The following RALGPS2 variants were observed in gnomAD, a reference collection of about 807,000 sequenced individuals.
RALGPS2 encodes Ral GEF with PH domain and SH3 binding motif 2.
RALGPS2 carries 43 observed loss-of-function variants against 86.8 expected under a neutral mutation model. The ratio of observed to expected loss-of-function variants is 0.50; its 90% confidence interval spans 0.39 to 0.64. The LOEUF (loss-of-function observed/expected upper bound fraction) is 0.64, where lower values mean the gene tolerates loss of function less well. RALGPS2 is among the 30% of genes least tolerant of loss of function. The probability of loss-of-function intolerance (pLI) is 0.00; values close to 1 mark genes in which losing one functional copy is unlikely to be tolerated. For synonymous variants in RALGPS2, 243 were observed against 231.3 expected (o/e 1.05, Z -0.46); for missense variants, 536 against 694.6 (o/e 0.77, Z 2.57).
At position 178,913,957 on chromosome 1, in the gene RALGPS2, G is replaced by A. The variant is rs556087125; in HGVS notation, c.1723-2373G>A. Among the ~76,000 whole-genome samples the A allele has an allele frequency of 2.6e-5, 4 of 152,314 alleles. No homozygotes were observed. The South Asian group carries it at 8.3e-4, about 32-fold the overall frequency. On this transcript the variant is annotated intron_variant, in intron 19 of 19. Transcript: ENST00000367635. Reference sequence around the variant, plus strand: ...CTGTTGAAAGTGTTCTGGCAGGATGGTGGGGGCCACTGGTAAAAGCACTAT... The same window carrying A: ...CTGTTGAAAGTGTTCTGGCAGGATGATGGGGGCCACTGGTAAAAGCACTAT...
At chr1:178,730,573 TA>T (rs572912537) in intron 1 of RALGPS2, among the ~76,000 whole-genome samples, 13,527 of 147,266 alleles carry the variant, frequency 0.092, 1,290 homozygotes, top group African/African-American at 0.24. Context: ...CCTTCAGTTT[TA>T]AAAAAAAAAA....
intron 8 of RALGPS2, among the ~76,000 whole-genome samples, chr1:178,857,819 A>T (rs867760519): frequency 2.0e-5 from 3 of 152,170 alleles, no homozygotes; most frequent in African/African-American, 7.2e-5. Flanking sequence ...ATATTTAGAA[A>T]CATCAGTGTT....
At chr1:178,741,025 CAT>C (rs76839263) in intron 1 of RALGPS2, among the ~76,000 whole-genome samples, 1,850 of 152,234 alleles carry the variant, frequency 0.012, 39 homozygotes, top group East Asian at 0.092. Flanking sequence ...TAAATAGTAT[CAT>C]ATATGTAATG....
chr1:178,853,130 T>C, intron 8 of RALGPS2: 1 of 985,160 alleles, frequency 1.0e-6, no homozygotes, highest in Non-Finnish European at 1.2e-6. Context: ...ATTCTCTTTT[T>C]GTTTGTTTGT....
chr1:178,821,751 A>G, intron 7 of RALGPS2, 47 bp downstream of exon 7: 1 of 1,352,200 alleles, frequency 7.4e-7, no homozygotes, highest in Non-Finnish European at 1.1e-6. Context: ...TCCTGTGGAA[A>G]GGAAAGATAT....
rs1653105600 is a variant in RALGPS2 at position 178,776,751 on chromosome 1, C to A, written c.-14C>A. On this transcript the variant is annotated 5_prime_UTR_variant, in exon 2 of 20. In the 5' UTR this introduces an upstream ATG that the reference lacks. Transcript: ENST00000367635. ...GTTGCTGTTAACATAAGGTCAGGGA[C>A]TGATGAGGAAAGCATGGACCTAATG... is the stretch of plus-strand genomic sequence containing the variant. The A allele has an allele frequency of 3.7e-6, 6 of 1,608,590 alleles. No homozygotes were observed. In the East Asian group the frequency reaches 1.3e-4, roughly 36 times the overall value.
rs188385549 is a variant in RALGPS2, at chr1:178,773,449, T to A, written c.-83-3233T>A. On this transcript the variant is annotated intron_variant, in intron 1 of 19. Coordinates refer to ENST00000367635, the MANE Select transcript of RALGPS2 (RefSeq NM_152663.5). ...TAAAGCATATATTTGGCATATTTAA[T>A]GTGAACTTTTCTGTGTGCAAAGTAT... Among the ~76,000 whole-genome samples the A allele has an allele frequency of 4.6e-5, 7 of 152,350 alleles. No individual in the cohort carries two copies. The East Asian group carries it at 7.7e-4, about 17-fold the overall frequency.
At chr1:178,878,115 A>G (rs926245461) in intron 9 of RALGPS2, among the ~76,000 whole-genome samples, 2 of 152,110 alleles carry the variant, frequency 1.3e-5, no homozygotes, top group Non-Finnish European at 2.9e-5. Flanking sequence ...CAATTGACCA[A>G]CTTTCTTGAG....
At chr1:178,762,917 G>A (rs1335077398) in intron 1 of RALGPS2, among the ~76,000 whole-genome samples, 2 of 152,066 alleles carry the variant, frequency 1.3e-5, no homozygotes, top group African/African-American at 4.8e-5. Context: ...CTTTGCCAGG[G>A]CCTATGTCCA....
At chr1:178,788,795 C>CT (rs1653793248) in intron 4 of RALGPS2, among the ~76,000 whole-genome samples, 1 of 150,002 alleles carries the variant, frequency 6.7e-6, no homozygotes, top group Non-Finnish European at 1.5e-5. Context: ...CTCTTCTCTT[C>CT]TTTTCTTTCT....
At chr1:178,768,974 T>A (rs576804147) in intron 1 of RALGPS2, among the ~76,000 whole-genome samples, 1 of 152,106 alleles carries the variant, frequency 6.6e-6, no homozygotes, top group South Asian at 2.1e-4. Flanking sequence ...ACAGGAATGG[T>A]AGGGTGGCTC....
At chr1:178,742,177 T>A (rs6425498) in intron 1 of RALGPS2, among the ~76,000 whole-genome samples, 1 of 149,052 alleles carries the variant, frequency 6.7e-6, no homozygotes, top group African/African-American at 2.5e-5. Flanking sequence ...ATGGTGAGAT[T>A]GGATTAAAAA....
At chr1:178,856,420 T>TTTTTTTTTTTTTTTG (rs1558152822) in intron 8 of RALGPS2, among the ~76,000 whole-genome samples, 1 of 120,566 alleles carries the variant, frequency 8.3e-6, no homozygotes, top group African/African-American at 3.5e-5. Flanking sequence ...TTTTTTTTTT[T>TTTTTTTTTTTTTTTG]TTTTTTGAGA....
At chr1:178,821,248 CAT>C (rs937530308) in intron 6 of RALGPS2, among the ~76,000 whole-genome samples, 1 of 152,148 alleles carries the variant, frequency 6.6e-6, no homozygotes, top group Non-Finnish European at 1.5e-5. Context: ...AAACTTGAAA[CAT>C]AAAGCAGAGG....
intron 2 of RALGPS2, 84 bp from the exon 3 acceptor site, chr1:178,784,334 T>A: frequency 9.9e-7 from 1 of 1,008,724 alleles, no homozygotes; most frequent in East Asian, 2.7e-5. Context: ...TGTTTTGTTT[T>A]CTCAGTTTTT....
At chr1:178,744,897 A>G (rs999770813) in intron 1 of RALGPS2, among the ~76,000 whole-genome samples, 1 of 152,088 alleles carries the variant, frequency 6.6e-6, no homozygotes, top group Non-Finnish European at 1.5e-5. Flanking sequence ...TGTAGTTGAC[A>G]TGATTGTCTG....
In RALGPS2 at chr1:178,865,263, A is replaced by G. The variant is rs148445261; in HGVS notation, c.608-12235A>G. 3.4e-5 allele frequency: 55 copies of G among 1,613,992 alleles called. No individual in the cohort carries two copies. The highest frequency in any genetic ancestry group is 4.5e-5 in the Non-Finnish European group (53 of 1,179,998). On this transcript the variant is annotated intron_variant, in intron 8 of 19. Transcript: ENST00000367635. ...GCGTATTTCACCTCTAGTTCCCTGT[A>G]TCTTGTTGCCATCTTCAACATTTCT...
chr1:178,768,266 T>G (rs943706929), intron 1 of RALGPS2, among the ~76,000 whole-genome samples: 2 of 152,246 alleles, frequency 1.3e-5, no homozygotes, highest in Non-Finnish European at 2.9e-5. Context: ...TTTTTCATGG[T>G]GCAGAATCCT....
chr1:178,855,410 C>T (rs757267377), intron 8 of RALGPS2, among the ~76,000 whole-genome samples: 55 of 151,018 alleles, frequency 3.6e-4, no homozygotes, highest in African/African-American at 1.1e-3. Context: ...GAAAAGTACA[C>T]GCAAAAATCA....
Sources: gnomAD v4.1 joint callset for allele counts (sites outside exome capture counted in the v4.1 genomes callset) on GRCh38, gnomAD v4.1.1 for gene constraint, MANE v1.5 for transcripts, NCBI Gene and HGNC (gene_info 2026-07-23, HGNC 2026-07-21) for gene names.